Variants in GM2A observed in about 807,000 individuals in gnomAD.
The protein encoded by GM2A is ganglioside GM2 activator.
A neutral mutation model predicts 12.9 loss-of-function variants in GM2A; 7 were observed. The observed-to-expected ratio is 0.54, with a 90% CI of 0.31 to 1.02. GM2A has a LOEUF of 1.02. Ranked by LOEUF, GM2A falls within the 50% of genes least tolerant of loss-of-function variation. The probability of loss-of-function intolerance (pLI) is 0.05; values close to 1 mark genes in which losing one functional copy is unlikely to be tolerated. For missense variants in GM2A, 246 were observed against 241.0 expected (o/e 1.02, Z -0.14); for synonymous variants, 101 against 96.0 (o/e 1.05, Z -0.30).
At position 151,268,513 on chromosome 5, in the gene GM2A, C is replaced by T; in HGVS notation, c.*1062C>T. The T allele has an allele frequency of 1.0e-6, 1 of 985,322 alleles. No homozygotes were observed. Among genetic ancestry groups the T allele is most frequent in the Non-Finnish European group, 1.2e-6 (1 of 829,850 alleles). The allele number at this position is 985,322 out of a possible 1,614,324, so 61.0% of individuals were successfully genotyped here. On this transcript the variant is annotated 3_prime_UTR_variant, in exon 4 of 4. Coordinates refer to ENST00000357164, the MANE Select transcript of GM2A (RefSeq NM_000405.5). ...TAAATATTTCTTACACAGAAAGTCACAGCACATGTGCCCATTGATACAAGG... is the reference window on the plus strand; with the variant it reads ...TAAATATTTCTTACACAGAAAGTCATAGCACATGTGCCCATTGATACAAGG...
chr5:151,262,500 C>T (rs1582072010), intron 2 of GM2A, among the ~76,000 whole-genome samples: 1 of 152,330 alleles, frequency 6.6e-6, no homozygotes, highest in African/African-American at 2.4e-5. Context: ...ATCTTGTGAA[C>T]ATTTCGATTA....
At chr5:151,262,305 A>AG (rs1753812124) in intron 2 of GM2A, among the ~76,000 whole-genome samples, 1 of 152,132 alleles carries the variant, frequency 6.6e-6, no homozygotes, top group South Asian at 2.1e-4. Flanking sequence ...TTCTAGTACC[A>AG]GTTTTGTGTT....
At position 151,253,301 on chromosome 5, in the gene GM2A, A is replaced by G. The variant is rs368443364; in HGVS notation, c.81+4A>G. ...TGCGCAAGCCCACCTGAAAAAGGTG[A>G]GTGCACCCTCTTTTAAGAGTCTGTT... is the stretch of plus-strand genomic sequence containing the variant. On this transcript the variant is annotated splice_donor_region_variant and intron_variant, in intron 1 of 3. Transcript: ENST00000357164. The G allele has an allele frequency of 5.4e-5, 86 of 1,606,134 alleles. No individual in the cohort carries two copies. In the African/African-American group the frequency reaches 1.1e-3, roughly 21 times the overall value.
intron 3 of GM2A, 154 bp from the exon 4 acceptor site, chr5:151,267,142 C>A: frequency 1.0e-6 from 1 of 985,100 alleles, no homozygotes; most frequent in Non-Finnish European, 1.6e-6. Flanking sequence ...ATAATCCATG[C>A]TCTACAGTGC....
Position 151,255,855 on chromosome 5 carries a change from A to G in GM2A, c.81+2558A>G, listed in dbSNP as rs140741579. On this transcript the variant is annotated intron_variant, in intron 1 of 3. Coordinates refer to ENST00000357164, the MANE Select transcript of GM2A (RefSeq NM_000405.5). Reference sequence around the variant, plus strand: ...AGGTGGAGTCTGGCTAGAGGCTGCTAGCTCACCCTACAAACTTGTTGTATA... The same window carrying G: ...AGGTGGAGTCTGGCTAGAGGCTGCTGGCTCACCCTACAAACTTGTTGTATA... Among the ~76,000 whole-genome samples the G allele has an allele frequency of 2.0e-4, 30 of 152,284 alleles. No homozygotes were observed. The East Asian group carries it at 2.7e-3, about 14-fold the overall frequency.
intron 1 of GM2A, among the ~76,000 whole-genome samples, chr5:151,257,597 T>C (rs949076365): frequency 5.3e-5 from 8 of 152,194 alleles, no homozygotes; most frequent in African/African-American, 1.4e-4. Context: ...AGTGTAGTAC[T>C]GTCCTTCAGT....
Position 151,270,336 on chromosome 5 carries a change from A to G in GM2A, c.*2885A>G. ...GGTGGAAATATCCAGTGGCAACAAA[A>G]TATTGACACATTTGACTACATGAAG... On this transcript the variant is annotated 3_prime_UTR_variant, in exon 4 of 4. Coordinates refer to ENST00000357164, the MANE Select transcript of GM2A (RefSeq NM_000405.5). 2.5e-6 allele frequency: 1 copy of G among 399,218 alleles called. No individual in the cohort carries two copies. 24.7% of individuals were successfully genotyped at this position (399,218 alleles called of 1,614,324 possible).
intron 3 of GM2A, 110 bp from the exon 4 acceptor site, chr5:151,267,186 A>G (rs1256549109): frequency 1.4e-6 from 2 of 1,401,596 alleles, no homozygotes; most frequent in Non-Finnish European, 2.0e-6. Context: ...GGCTGTTTTG[A>G]GAATGGGAAG....
Position 151,253,258 on chromosome 5 carries a change from C to T in GM2A, c.42C>T (p.Gly14=). 6.2e-7 allele frequency: 1 copy of T among 1,614,026 alleles called. No individual in the cohort carries two copies. The highest frequency in any genetic ancestry group is 8.5e-7 in the Non-Finnish European group (1 of 1,179,928). ...AGGCTCCCCTCCTGATCGCCCTGGG[C>T]TTGCTTCTCGCGGCCCCTGCGCAAG... ...LMQAPLLIAL[G]LLLAAPAQAH... The change falls in exon 1 of 4, where the codon GGC becomes GGT. Residue 14 remains glycine (G), a synonymous_variant. Coordinates refer to ENST00000357164, the MANE Select transcript of GM2A (RefSeq NM_000405.5).
chr5:151,267,443 G>A lies in GM2A; in HGVS notation c.574G>A (p.Gly192Ser), dbSNP rs1204733482. 5.6e-6 allele frequency: 9 copies of A among 1,614,002 alleles called. No homozygotes were observed. The highest frequency in any genetic ancestry group is 1.7e-5 in the Admixed American group (1 of 60,004). Residue 192 changes from glycine to serine, a missense_variant, in exon 4 of 4, where the codon GGC becomes AGC. Gly to Ser is a moderately conservative substitution (Grantham distance 56). Transcript: ENST00000357164. ...GCIKIAASLK[G>S]I ...CATCAAGATCGCTGCCTCTCTAAAGGGCATATAACATGGCATCTGCCACAG... is the reference window on the plus strand; with the variant it reads ...CATCAAGATCGCTGCCTCTCTAAAGAGCATATAACATGGCATCTGCCACAG...
chr5:151,262,794 C>T (rs17716141), intron 2 of GM2A, among the ~76,000 whole-genome samples: 10,917 of 152,194 alleles, frequency 0.072, 503 homozygotes, highest in Middle Eastern at 0.15. Context: ...CCTGGTAGGC[C>T]GTCCGCCATG....
At position 151,270,019 on chromosome 5, in the gene GM2A, G is replaced by C; in HGVS notation, c.*2568G>C. 8.1e-7 allele frequency: 1 copy of C among 1,228,806 alleles called. No homozygotes were observed. The highest frequency in any genetic ancestry group is 1.0e-6 in the Non-Finnish European group (1 of 986,748). The allele number at this position is 1,228,806 out of a possible 1,614,324, so 76.1% of individuals were successfully genotyped here. A position where few individuals can be genotyped will look rare whatever the true frequency, so the allele number is the denominator to read the frequency against. On this transcript the variant is annotated 3_prime_UTR_variant, in exon 4 of 4. Transcript: ENST00000357164. ...CCTTATTCTCAACAGTTCATTTTTA[G>C]TTCACATTCTTGACCGAATCTCAGT...
chr5:151,262,884 G>T (rs888779866), intron 2 of GM2A, among the ~76,000 whole-genome samples: 1 of 152,102 alleles, frequency 6.6e-6, no homozygotes, highest in Non-Finnish European at 1.5e-5. Flanking sequence ...ACAAGAAGCT[G>T]GCAAACCCGC....
At chr5:151,259,639 C>CGG (rs1753756300) in intron 1 of GM2A, 116 bp from the exon 2 acceptor site, 1 of 842,594 alleles carries the variant, frequency 1.2e-6, no homozygotes, top group South Asian at 1.4e-5. Flanking sequence ...GGCTCAGGGA[C>CGG]GGGGGTGCCT....
intron 1 of GM2A, 103 bp from the exon 2 acceptor site, chr5:151,259,652 C>T (rs1753756553): frequency 1.8e-6 from 2 of 1,082,316 alleles, no homozygotes; most frequent in African/African-American, 1.6e-5. Flanking sequence ...GGGTGCCTCA[C>T]CCAAGGTCAC....
At chr5:151,265,955 C>T (rs1483779728) in intron 2 of GM2A, among the ~76,000 whole-genome samples, 3 of 152,130 alleles carry the variant, frequency 2.0e-5, no homozygotes, top group African/African-American at 4.8e-5. Flanking sequence ...TGTGGCTGTA[C>T]GGAGAAAATG....
rs1035542023 is a variant in GM2A at position 151,268,092 on chromosome 5, C to G, written c.*641C>G. 11 of 992,250 alleles carry G rather than the reference C, an allele frequency of 1.1e-5. No homozygotes were observed. The highest frequency in any genetic ancestry group is 1.3e-5 in the Non-Finnish European group (11 of 833,858). The allele number at this position is 992,250 out of a possible 1,614,324, so 61.5% of individuals were successfully genotyped here. A position where few individuals can be genotyped will look rare whatever the true frequency, so the allele number is the denominator to read the frequency against. ...AAACTCAGGTACCCGCAGGGCCTAG[C>G]AAGAGACTTAAATGACTGATAAGAA... On this transcript the variant is annotated 3_prime_UTR_variant, in exon 4 of 4. Transcript: ENST00000357164.
At chr5:151,265,857 A>G (rs72794170) in intron 2 of GM2A, among the ~76,000 whole-genome samples, 12,174 of 152,270 alleles carry the variant, frequency 0.08, 562 homozygotes, top group Middle Eastern at 0.15. Flanking sequence ...TCCTTGAGGC[A>G]GCTCCATCTG....
Position 151,269,908 on chromosome 5 carries a change from C to T in GM2A, c.*2457C>T, listed in dbSNP as rs1387520070. ...TTGGTGAATTCTTTTTACCAACCCA[C>T]GAGTTGACCACTTCCCAATGCCGGG... On this transcript the variant is annotated 3_prime_UTR_variant, in exon 4 of 4. Coordinates refer to ENST00000357164, the MANE Select transcript of GM2A (RefSeq NM_000405.5). The T allele has an allele frequency of 1.5e-5, 16 of 1,038,992 alleles. No homozygotes were observed. Among genetic ancestry groups the T allele is most frequent in the East Asian group, 8.1e-5 (2 of 24,818 alleles). The allele number at this position is 1,038,992 out of a possible 1,614,324, so 64.4% of individuals were successfully genotyped here.
Sources: allele counts gnomAD v4.1 joint callset (sites outside exome capture counted in the v4.1 genomes callset), GRCh38; gene constraint gnomAD v4.1.1; transcripts MANE v1.5; gene names NCBI Gene and HGNC (gene_info 2026-07-23, HGNC 2026-07-21).